FSTL4: variants seen among roughly 807,000 people sequenced by gnomAD.
FSTL4 encodes the protein follistatin-related protein 4.
FSTL4 carries 28 observed loss-of-function variants against 78.2 expected under a neutral mutation model. The observed-to-expected ratio is 0.36, with a 90% CI of 0.27 to 0.49. The LOEUF (loss-of-function observed/expected upper bound fraction) is 0.49, where lower values mean the gene tolerates loss of function less well. Among genes scored for constraint, FSTL4 ranks in the 20% least tolerant of loss-of-function variants. The pLI is 0.98. For synonymous variants in FSTL4, 422 were observed against 440.5 expected (o/e 0.96, Z 0.53); for missense variants, 922 against 1,084.9 (o/e 0.85, Z 2.11).
At chr5:133,320,814 T>C (rs936853237) in intron 4 of FSTL4, among the ~76,000 whole-genome samples, 1 of 152,006 alleles carries the variant, frequency 6.6e-6, no homozygotes, top group East Asian at 1.9e-4. Context: ...GAGACCATCC[T>C]GGCTAACACG....
At chr5:133,816,023 G>A in the FSTL4 span, among the ~76,000 whole-genome samples, 1 of 152,192 alleles carries the variant, frequency 6.6e-6, no homozygotes, top group Non-Finnish European at 1.5e-5. Flanking sequence ...AGACAAGAAG[G>A]ATAGAGTTAA....
At chr5:133,348,753 C>T (rs538323771) in intron 4 of FSTL4, among the ~76,000 whole-genome samples, 1 of 152,314 alleles carries the variant, frequency 6.6e-6, no homozygotes, top group East Asian at 1.9e-4. Flanking sequence ...CTTACCTGTG[C>T]CTCAGTTTCC....
intron 3 of FSTL4, among the ~76,000 whole-genome samples, chr5:133,519,570 C>T (rs575390486): frequency 2.6e-5 from 4 of 152,210 alleles, no homozygotes; most frequent in African/African-American, 4.8e-5. Flanking sequence ...GATTTCAACA[C>T]GTCAGCCTTT....
chr5:133,576,672 C>T (rs1468235167), intron 2 of FSTL4, among the ~76,000 whole-genome samples: 1 of 152,166 alleles, frequency 6.6e-6, no homozygotes, highest in Non-Finnish European at 1.5e-5. Flanking sequence ...GCTGAGGAAG[C>T]TCCTGGCTTC....
the FSTL4 span, among the ~76,000 whole-genome samples, chr5:133,772,177 AG>A: frequency 2.7e-4 from 41 of 152,214 alleles, no homozygotes; most frequent in Non-Finnish European, 5.1e-4. Flanking sequence ...AAATGTTTAA[AG>A]AAGAAAATAT....
chr5:133,807,650 G>A, the FSTL4 span, among the ~76,000 whole-genome samples: 1 of 152,214 alleles, frequency 6.6e-6, no homozygotes, highest in Non-Finnish European at 1.5e-5. Context: ...GGCCGTTGAG[G>A]CAACGCCCTG....
rs1161920488 is a variant in FSTL4, at chr5:133,440,533, C to G, written c.161-39547G>C. ...TTTAAATTCAACTTCCTGGGAGAAG[C>G]AGTCGGTACTGGACTTAGCTTATCG... On this transcript the variant is annotated intron_variant, in intron 3 of 15. Coordinates refer to ENST00000265342, the MANE Select transcript of FSTL4 (RefSeq NM_015082.2). The surrounding 1 kb of genome is among the most constrained non-coding windows in gnomAD (Gnocchi z 4.1). Among the ~76,000 whole-genome samples, 1 of 152,236 alleles carries G rather than the reference C, an allele frequency of 6.6e-6. No individual in the cohort carries two copies. The highest frequency in any genetic ancestry group is 1.5e-5 in the Non-Finnish European group (1 of 68,046).
intron 3 of FSTL4, among the ~76,000 whole-genome samples, chr5:133,519,361 C>T (rs1247608374): frequency 6.6e-6 from 1 of 152,232 alleles, no homozygotes; most frequent in Non-Finnish European, 1.5e-5. Context: ...CCCAGATGAA[C>T]ACCTCTCAGA....
At chr5:133,560,890 T>C (rs1307506062) in intron 3 of FSTL4, among the ~76,000 whole-genome samples, 1 of 150,736 alleles carries the variant, frequency 6.6e-6, no homozygotes, top group Non-Finnish European at 1.5e-5. Context: ...ATAGAGACCA[T>C]CCTGGCTAAC....
intron 6 of FSTL4, among the ~76,000 whole-genome samples, chr5:133,296,450 T>C (rs772084877): frequency 2.0e-5 from 3 of 152,210 alleles, no homozygotes; most frequent in African/African-American, 7.2e-5. Flanking sequence ...GTTTCACCCA[T>C]TGTGAAAACA....
At chr5:133,249,977 A>T (rs1402114737) in intron 6 of FSTL4, among the ~76,000 whole-genome samples, 1 of 152,214 alleles carries the variant, frequency 6.6e-6, no homozygotes, top group African/African-American at 2.4e-5. Context: ...CTAAGTGCAG[A>T]CAAGGTCTGC....
chr5:133,699,330 A>G, the FSTL4 span, among the ~76,000 whole-genome samples: 109 of 152,186 alleles, frequency 7.2e-4, no homozygotes, highest in African/African-American at 2.5e-3. Context: ...GCATCTGCCT[A>G]AAAACCAGGC....
chr5:133,435,345 A>G (rs927809534), intron 3 of FSTL4, among the ~76,000 whole-genome samples: 2 of 152,250 alleles, frequency 1.3e-5, no homozygotes, highest in African/African-American at 4.8e-5. Flanking sequence ...TTGGGATTGT[A>G]GCATGCACAG....
the FSTL4 span, among the ~76,000 whole-genome samples, chr5:133,739,679 C>T: frequency 6.6e-6 from 1 of 152,232 alleles, no homozygotes; most frequent in African/African-American, 2.4e-5. Flanking sequence ...TGAGCACCAA[C>T]CACGTCCCAG....
rs750662625 is a variant in FSTL4, at chr5:133,225,257, C to G, written c.1205G>C (p.Ser402Thr). 24 of 1,614,108 alleles carry G rather than the reference C, an allele frequency of 1.5e-5. No individual in the cohort carries two copies. The South Asian group carries it at 2.6e-4, about 18-fold the overall frequency. ...LANGSELHIS[S>T]VRYEDTGAYT... Reference sequence around the variant, plus strand: ...TGCCCCTGTGTCTTCATACCGAACACTGCTGATGTGGAGTTCGCTCCCATT... The same window carrying G: ...TGCCCCTGTGTCTTCATACCGAACAGTGCTGATGTGGAGTTCGCTCCCATT... Residue 402 changes from serine to threonine, a missense_variant, in exon 10 of 16, where the codon AGT becomes ACT. Transcript: ENST00000265342. The surrounding 1 kb of genome is among the most constrained non-coding windows in gnomAD (Gnocchi z 4.6).
chr5:133,444,742 T>C (rs1223275695), intron 3 of FSTL4, among the ~76,000 whole-genome samples: 1 of 152,184 alleles, frequency 6.6e-6, no homozygotes, highest in Non-Finnish European at 1.5e-5. Flanking sequence ...GGTAACTCAC[T>C]CTTTCCCCAG....
intron 13 of FSTL4, among the ~76,000 whole-genome samples, chr5:133,211,969 ACT>A (rs1382024241): frequency 1.3e-5 from 2 of 151,854 alleles, no homozygotes; most frequent in Non-Finnish European, 2.9e-5. Context: ...TGCTTTAATT[ACT>A]CTCTTGCTTT....
the FSTL4 span, among the ~76,000 whole-genome samples, chr5:133,671,218 A>C: frequency 1.3e-5 from 2 of 152,108 alleles, no homozygotes; most frequent in African/African-American, 4.8e-5. Flanking sequence ...CAGGAATGAG[A>C]CAGCCCCACC....
In FSTL4 at chr5:133,315,346, C is replaced by T. The variant is rs775385913; in HGVS notation, c.603+1113G>A. On this transcript the variant is annotated intron_variant, in intron 5 of 15. Coordinates refer to ENST00000265342, the MANE Select transcript of FSTL4 (RefSeq NM_015082.2). ...GCACTTGACCTTAGGCAGTTTGACT[C>T]TAAAGTCTGCATTCTTTGCCACTAT... is the stretch of plus-strand genomic sequence containing the variant. Among the ~76,000 whole-genome samples, 3 of 152,174 alleles carry T rather than the reference C, an allele frequency of 2.0e-5. No homozygotes were observed. The South Asian group carries it at 6.2e-4, about 32-fold the overall frequency.
Sources: gnomAD v4.1 joint callset for allele counts (sites outside exome capture counted in the v4.1 genomes callset) on GRCh38, gnomAD v4.1.1 for gene constraint, Gnocchi (gnomAD v3.1) non-coding constraint, MANE v1.5 for transcripts, NCBI Gene and HGNC (gene_info 2026-07-23, HGNC 2026-07-21) for gene names.